SUZ12: variants seen among roughly 807,000 people sequenced by gnomAD.
The protein encoded by SUZ12 is polycomb protein SUZ12.
Under a neutral mutation model 87.3 loss-of-function variants are expected in SUZ12, and 17 were observed. That is an observed-to-expected ratio of 0.19 (90% CI 0.13 to 0.29). SUZ12 has a LOEUF of 0.29. Among genes scored for constraint, SUZ12 ranks in the 10% least tolerant of loss-of-function variants. The probability of loss-of-function intolerance (pLI) is 1.00; values close to 1 mark genes in which losing one functional copy is unlikely to be tolerated. For synonymous variants in SUZ12, 253 were observed against 312.4 expected (o/e 0.81, Z 2.01); for missense variants, 526 against 912.2 (o/e 0.58, Z 5.45).
intron 4 of SUZ12, among the ~76,000 whole-genome samples, chr17:31,964,316 C>T (rs1907952039): frequency 6.6e-6 from 1 of 151,168 alleles, no homozygotes; most frequent in South Asian, 2.1e-4. Context: ...TGAGCCACCG[C>T]ACCCAGCCCC....
intron 4 of SUZ12, among the ~76,000 whole-genome samples, chr17:31,950,870 G>A (rs1404775634): frequency 2.0e-5 from 3 of 151,458 alleles, no homozygotes; most frequent in East Asian, 3.9e-4. Flanking sequence ...GGCTCTGCCC[G>A]CCGGGGTTCA....
intron 5 of SUZ12, among the ~76,000 whole-genome samples, chr17:31,970,447 G>A (rs1397794289): frequency 6.6e-6 from 1 of 152,096 alleles, no homozygotes; most frequent in Admixed American, 6.5e-5. Flanking sequence ...GGCCAACATG[G>A]TGAAGCCCCG....
chr17:31,955,788 C>T (rs1907286588), intron 4 of SUZ12, among the ~76,000 whole-genome samples: 1 of 152,022 alleles, frequency 6.6e-6, no homozygotes, highest in African/African-American at 2.4e-5. Flanking sequence ...TGTCATGTTG[C>T]CCAAGATGGT....
At chr17:31,994,509 G>A in intron 12 of SUZ12, 55 bp from the exon 13 acceptor site, 3 of 1,401,224 alleles carry the variant, frequency 2.1e-6, no homozygotes, top group Non-Finnish European at 2.8e-6. Flanking sequence ...TTAAATTGGA[G>A]GGATATTTAG....
intron 4 of SUZ12, among the ~76,000 whole-genome samples, chr17:31,949,655 A>C (rs1391102610): frequency 0.014 from 129 of 9,362 alleles, no homozygotes; most frequent in East Asian, 0.017. Context: ...CTGCCACCAC[A>C]CCCAGCCCCC....
chr17:31,971,083 A>T (rs1459193563), intron 5 of SUZ12, among the ~76,000 whole-genome samples: 1 of 152,176 alleles, frequency 6.6e-6, no homozygotes, highest in African/African-American at 2.4e-5. Context: ...AATTTTTTGT[A>T]AGCCAAGATA....
In SUZ12 at chr17:31,978,423, G is replaced by A. The variant is rs192539916; in HGVS notation, c.917+1809G>A. Among the ~76,000 whole-genome samples, 64 of 152,162 alleles carry A rather than the reference G, an allele frequency of 4.2e-4. No homozygotes were observed. In the East Asian group the frequency reaches 0.012, roughly 29 times the overall value. On this transcript the variant is annotated intron_variant, in intron 8 of 15. Transcript: ENST00000322652. Reference sequence around the variant, plus strand: ...GAGGTTTCACCATGTTGGCCAGGCTGGTCTGGAGCTCCTGACCTCACATCA... The same window carrying A: ...GAGGTTTCACCATGTTGGCCAGGCTAGTCTGGAGCTCCTGACCTCACATCA...
rs1330115972 is a variant in SUZ12 at position 31,993,484 on chromosome 17, C to G, written c.1293+151C>G. 1.4e-5 allele frequency: 9 copies of G among 621,588 alleles called. No homozygotes were observed. In the East Asian group the frequency reaches 2.8e-4, roughly 20 times the overall value. 38.5% of individuals were successfully genotyped at this position (621,588 alleles called of 1,614,324 possible). On this transcript the variant is annotated intron_variant, in intron 11 of 15. Transcript: ENST00000322652. The stretch of plus-strand genomic sequence containing the variant: ...TTGCCCAGGCTGGAGTGCAGTGGTG[C>G]AGTCTTGGCTCACTGCAACCTCTGC...
At chr17:31,981,113 A>C (rs973675097) in intron 8 of SUZ12, among the ~76,000 whole-genome samples, 1 of 152,214 alleles carries the variant, frequency 6.6e-6, no homozygotes, top group African/African-American at 2.4e-5. Flanking sequence ...AAAGTTGAAC[A>C]AAATAAAAAT....
intron 8 of SUZ12, among the ~76,000 whole-genome samples, chr17:31,982,115 C>T (rs776013337): frequency 1.8e-4 from 28 of 152,128 alleles, no homozygotes; most frequent in Non-Finnish European, 3.1e-4. Context: ...CACCTTAAAA[C>T]TATATTGTGT....
At chr17:31,975,854 G>T in intron 7 of SUZ12, 141 bp downstream of exon 7, 1 of 669,622 alleles carries the variant, frequency 1.5e-6, no homozygotes, top group Non-Finnish European at 2.4e-6. Context: ...ACATTTTGTT[G>T]TGCAAATTTT....
chr17:31,984,307 C>G (rs1235300421), intron 9 of SUZ12, among the ~76,000 whole-genome samples: 1 of 152,126 alleles, frequency 6.6e-6, no homozygotes, highest in Non-Finnish European at 1.5e-5. Flanking sequence ...GAAAGAGAAA[C>G]TGTTCATTAA....
At chr17:31,987,813 C>T (rs756585490) in intron 9 of SUZ12, among the ~76,000 whole-genome samples, 4 of 152,014 alleles carry the variant, frequency 2.6e-5, no homozygotes, top group Admixed American at 1.3e-4. Flanking sequence ...CGGCAGGTGC[C>T]TGTAATCCCA....
chr17:31,960,431 G>A lies in SUZ12; in HGVS notation c.456-5716G>A, dbSNP rs550002159. Among the ~76,000 whole-genome samples the A allele has an allele frequency of 6.5e-4, 99 of 151,628 alleles. 1 individual carries two copies. Among genetic ancestry groups the A allele is most frequent in the South Asian group, 1.0e-3 (5 of 4,786 alleles). On this transcript the variant is annotated intron_variant, in intron 4 of 15. Coordinates refer to ENST00000322652, the MANE Select transcript of SUZ12 (RefSeq NM_015355.4). ...TCACCACGTTGGTCAGGCTGGTCTC[G>A]AACTCCTGACCTTGTGATCTGCCCG...
At chr17:31,979,395 C>G (rs528537) in intron 8 of SUZ12, among the ~76,000 whole-genome samples, 2 of 152,190 alleles carry the variant, frequency 1.3e-5, no homozygotes, top group East Asian at 3.9e-4. Context: ...TACTATCTCC[C>G]CAGTTGACCT....
rs1442194643 is a variant in SUZ12 at position 31,951,894 on chromosome 17, C to T, written c.455+4209C>T. 4.6e-5 allele frequency among the ~76,000 whole-genome samples: 7 copies of T among 151,614 alleles called. No individual in the cohort carries two copies. The East Asian group carries it at 9.7e-4, about 21-fold the overall frequency. ...GGTTCAAGAGATTCTCCTGCCGCAG[C>T]CTCCCTAGTAGCTGGGATTATATGC... On this transcript the variant is annotated intron_variant, in intron 4 of 15. Coordinates refer to ENST00000322652, the MANE Select transcript of SUZ12 (RefSeq NM_015355.4).
chr17:31,976,731 G>A lies in SUZ12; in HGVS notation c.917+117G>A, dbSNP rs988414201. ...TGCCTTTGTTTCTTTTTATTCTTACGGATGAAAAAACAAATTTGCAAACAC... is the reference window on the plus strand; with the variant it reads ...TGCCTTTGTTTCTTTTTATTCTTACAGATGAAAAAACAAATTTGCAAACAC... On this transcript the variant is annotated intron_variant, in intron 8 of 15. Transcript: ENST00000322652. 2.3e-5 allele frequency: 19 copies of A among 826,766 alleles called. No individual in the cohort carries two copies. The East Asian group carries it at 2.9e-4, about 12-fold the overall frequency. The allele number at this position is 826,766 out of a possible 1,614,324, so 51.2% of individuals were successfully genotyped here. A position where few individuals can be genotyped will look rare whatever the true frequency, so the allele number is the denominator to read the frequency against.
At chr17:31,986,517 CT>C (rs1427747197) in intron 9 of SUZ12, among the ~76,000 whole-genome samples, 1 of 151,820 alleles carries the variant, frequency 6.6e-6, no homozygotes, top group Non-Finnish European at 1.5e-5. Flanking sequence ...TCTGAACACA[CT>C]TTTACTACAT....
At chr17:31,954,511 C>T (rs369295231) in intron 4 of SUZ12, among the ~76,000 whole-genome samples, 10 of 152,078 alleles carry the variant, frequency 6.6e-5, no homozygotes, top group African/African-American at 2.4e-4. Flanking sequence ...ATGTCCTAGG[C>T]ACTATACTAA....
Sources: gnomAD v4.1 joint callset for allele counts (sites outside exome capture counted in the v4.1 genomes callset) on GRCh38, gnomAD v4.1.1 for gene constraint, MANE v1.5 for transcripts, NCBI Gene and HGNC (gene_info 2026-07-23, HGNC 2026-07-21) for gene names.